The following CRIM1 variants were observed in gnomAD, a reference collection of about 807,000 sequenced individuals.
CRIM1 encodes the protein cysteine rich transmembrane BMP regulator 1.
Under a neutral mutation model 116.4 loss-of-function variants are expected in CRIM1, and 32 were observed. That is an observed-to-expected ratio of 0.27 (90% CI 0.21 to 0.37). The LOEUF is 0.37. Among genes scored for constraint, CRIM1 ranks in the 10% least tolerant of loss-of-function variants. CRIM1 has a pLI of 1.00. For missense variants in CRIM1, 1,331 were observed against 1,354.8 expected (o/e 0.98, Z 0.28); for synonymous variants, 590 against 509.2 (o/e 1.16, Z -2.13).
intron 2 of CRIM1, among the ~76,000 whole-genome samples, chr2:36,413,522 G>A (rs575240125): frequency 3.0e-4 from 45 of 152,136 alleles, no homozygotes; most frequent in Non-Finnish European, 6.2e-4. Flanking sequence ...TGTGCTCCAC[G>A]GCAGAGCCTA....
At chr2:36,387,300 A>G (rs1004678982) in intron 1 of CRIM1, among the ~76,000 whole-genome samples, 5 of 152,228 alleles carry the variant, frequency 3.3e-5, no homozygotes, top group Admixed American at 3.3e-4. Flanking sequence ...ATAATTAGAC[A>G]TTTCTCCAAA....
intron 1 of CRIM1, among the ~76,000 whole-genome samples, chr2:36,385,610 C>G (rs545058388): frequency 6.6e-6 from 1 of 152,012 alleles, no homozygotes; most frequent in Non-Finnish European, 1.5e-5. Flanking sequence ...GTCTCCAGGC[C>G]GTATTACTGG....
intron 2 of CRIM1, among the ~76,000 whole-genome samples, chr2:36,409,245 T>C (rs1673036714): frequency 6.6e-6 from 1 of 152,188 alleles, no homozygotes; most frequent in Non-Finnish European, 1.5e-5. Context: ...TTCTTTTAGT[T>C]TTTTTCCACC....
chr2:36,397,113 C>T (rs989460910), intron 2 of CRIM1, among the ~76,000 whole-genome samples: 10 of 152,078 alleles, frequency 6.6e-5, no homozygotes, highest in East Asian at 1.9e-4. Flanking sequence ...TTTGATTTAC[C>T]GTAGGATGGT....
At chr2:36,472,110 A>C (rs1281114434) in intron 5 of CRIM1, among the ~76,000 whole-genome samples, 1 of 152,190 alleles carries the variant, frequency 6.6e-6, no homozygotes, top group African/African-American at 2.4e-5. Context: ...GCAGACGCAA[A>C]ACACATACAA....
chr2:36,491,480 T>A (rs1188374192), intron 7 of CRIM1, among the ~76,000 whole-genome samples: 2 of 152,222 alleles, frequency 1.3e-5, no homozygotes, highest in African/African-American at 2.4e-5. Flanking sequence ...GAACTTACTG[T>A]CTAATCTTCT....
intron 4 of CRIM1, among the ~76,000 whole-genome samples, chr2:36,450,395 C>T (rs1676617276): frequency 6.6e-6 from 1 of 152,214 alleles, no homozygotes; most frequent in Admixed American, 6.5e-5. Context: ...GCTCCGTATT[C>T]ATATTGTTCT....
At chr2:36,534,461 G>A (rs1666369372) in intron 13 of CRIM1, among the ~76,000 whole-genome samples, 1 of 138,138 alleles carries the variant, frequency 7.2e-6, no homozygotes, top group Non-Finnish European at 1.6e-5. Flanking sequence ...GGGAGGGGAG[G>A]GACAGGAAGG....
At chr2:36,380,298 G>A (rs1670644803) in intron 1 of CRIM1, among the ~76,000 whole-genome samples, 1 of 152,108 alleles carries the variant, frequency 6.6e-6, no homozygotes, top group East Asian at 1.9e-4. Flanking sequence ...CCTTTTTTGA[G>A]TTCCAGTGGA....
chr2:36,470,513 A>C (rs1197849553), intron 5 of CRIM1, among the ~76,000 whole-genome samples: 2 of 152,198 alleles, frequency 1.3e-5, no homozygotes, highest in African/African-American at 2.4e-5. Context: ...GGCTGTTAAG[A>C]ATTATGCTAA....
At chr2:36,411,593 C>T (rs1459181796) in intron 2 of CRIM1, among the ~76,000 whole-genome samples, 1 of 152,140 alleles carries the variant, frequency 6.6e-6, no homozygotes, top group Non-Finnish European at 1.5e-5. Flanking sequence ...AGCACATATA[C>T]ATCCATGATG....
intron 1 of CRIM1, among the ~76,000 whole-genome samples, chr2:36,392,088 G>C (rs1275039865): frequency 6.6e-6 from 1 of 152,206 alleles, no homozygotes; most frequent in African/African-American, 2.4e-5. Flanking sequence ...CTGAAGTACA[G>C]AGCTTGTCAT....
At chr2:36,365,525 G>A (rs1278160576) in intron 1 of CRIM1, among the ~76,000 whole-genome samples, 2 of 152,140 alleles carry the variant, frequency 1.3e-5, no homozygotes, top group African/African-American at 4.8e-5. Flanking sequence ...CATCTGTGTT[G>A]CTTTTCTCTC....
chr2:36,442,399 C>T (rs1301440883), intron 3 of CRIM1, among the ~76,000 whole-genome samples: 1 of 152,168 alleles, frequency 6.6e-6, no homozygotes, highest in Non-Finnish European at 1.5e-5. Context: ...TTCATTGTAG[C>T]TCTTAAATAT....
intron 1 of CRIM1, among the ~76,000 whole-genome samples, chr2:36,371,115 G>A (rs1366224819): frequency 6.6e-6 from 1 of 152,152 alleles, no homozygotes. Context: ...TGGAAAATGG[G>A]TGTGGTGTCA....
intron 7 of CRIM1, among the ~76,000 whole-genome samples, chr2:36,492,318 G>A (rs1459630334): frequency 6.6e-6 from 1 of 152,068 alleles, no homozygotes; most frequent in Non-Finnish European, 1.5e-5. Context: ...AGTGTACAAA[G>A]GGAAAAAGGA....
intron 2 of CRIM1, among the ~76,000 whole-genome samples, chr2:36,415,168 G>C (rs924069877): frequency 1.3e-5 from 2 of 152,144 alleles, no homozygotes; most frequent in East Asian, 1.9e-4. Context: ...GTAGACTTCA[G>C]AGTGACCCCA....
chr2:36,523,338 C>T (rs185300825), intron 13 of CRIM1, among the ~76,000 whole-genome samples: 53 of 152,320 alleles, frequency 3.5e-4, no homozygotes, highest in East Asian at 3.1e-3. Context: ...CCTAGGCACA[C>T]AGAGTGAGGC....
chr2:36,356,632 G>A lies in CRIM1; in HGVS notation c.331+9G>A, dbSNP rs1668824501. The A allele has an allele frequency of 1.3e-6, 2 of 1,599,258 alleles. No individual in the cohort carries two copies. Among genetic ancestry groups the A allele is most frequent in the Non-Finnish European group, 1.7e-6 (2 of 1,174,516 alleles). ...AGCGGGCGTTTGCGAAGGTACGGCCGCCCGCTGCGGGCCCCCTCCCACCTG... is the reference window on the plus strand; with the variant it reads ...AGCGGGCGTTTGCGAAGGTACGGCCACCCGCTGCGGGCCCCCTCCCACCTG... On this transcript the variant is annotated intron_variant, in intron 1 of 16. Coordinates refer to ENST00000280527, the MANE Select transcript of CRIM1 (RefSeq NM_016441.3). The surrounding 1 kb of genome is among the most constrained non-coding windows in gnomAD (Gnocchi z 4.3).
Sources: gnomAD v4.1 joint callset for allele counts (sites outside exome capture counted in the v4.1 genomes callset) on GRCh38, gnomAD v4.1.1 for gene constraint, Gnocchi (gnomAD v3.1) non-coding constraint, MANE v1.5 for transcripts, NCBI Gene and HGNC (gene_info 2026-07-23, HGNC 2026-07-21) for gene names.